Variants in FARS2 observed in about 807,000 individuals in gnomAD.
FARS2 encodes the protein phenylalanyl-tRNA synthetase 2, mitochondrial.
Under a neutral mutation model 46.4 loss-of-function variants are expected in FARS2, and 40 were observed. That is an observed-to-expected ratio of 0.86 (90% CI 0.67 to 1.12). The LOEUF (loss-of-function observed/expected upper bound fraction) is 1.12, where lower values mean the gene tolerates loss of function less well. FARS2 is among the 50% of genes most tolerant of loss of function. The pLI is 0.00. For synonymous variants in FARS2, 234 were observed against 214.9 expected, an observed-to-expected ratio of 1.09 and a Z score of -0.78; for missense variants, 513 against 567.9, an observed-to-expected ratio of 0.90 and a Z score of 0.98.
intron 4 of FARS2, among the ~76,000 whole-genome samples, chr6:5,488,293 T>C (rs1044664891): frequency 2.6e-5 from 4 of 152,336 alleles, no homozygotes; most frequent in African/African-American, 9.6e-5. Context: ...GTTAGTCAGA[T>C]TGTAATTCTG....
At chr6:5,255,291 C>T in the FARS2 span, among the ~76,000 whole-genome samples, 1 of 152,134 alleles carries the variant, frequency 6.6e-6, no homozygotes, top group South Asian at 2.1e-4. Flanking sequence ...AATTACTAGA[C>T]ACTAAGTGAT....
At chr6:5,419,958 C>T (rs1320927560) in intron 3 of FARS2, among the ~76,000 whole-genome samples, 1 of 152,166 alleles carries the variant, frequency 6.6e-6, no homozygotes, top group Non-Finnish European at 1.5e-5. Flanking sequence ...TCCATTTTCA[C>T]ATTGCTGATA....
intron 6 of FARS2, among the ~76,000 whole-genome samples, chr6:5,652,667 A>G (rs985515234): frequency 9.2e-5 from 14 of 152,166 alleles, no homozygotes; most frequent in Non-Finnish European, 1.5e-5. Context: ...GTTGACAGAG[A>G]CCTTTGATGA....
At chr6:5,647,282 T>G (rs1287348394) in intron 6 of FARS2, among the ~76,000 whole-genome samples, 1 of 152,204 alleles carries the variant, frequency 6.6e-6, no homozygotes, top group Non-Finnish European at 1.5e-5. Context: ...TCATCTCTGT[T>G]CCCTTAGTGT....
At position 5,276,359 on chromosome 6, in the gene FARS2, T is replaced by G. The variant is rs971037052; in HGVS notation, c.-22+14699T>G. ...TTTTTTCACATCATTTTAGGTAAAT[T>G]ACTTAACATTTAGATAATCACATAA... On this transcript the variant is annotated intron_variant, in intron 1 of 6. Transcript: ENST00000274680. Among the ~76,000 whole-genome samples the G allele has an allele frequency of 3.3e-5, 5 of 152,180 alleles. No individual in the cohort carries two copies. In the East Asian group the frequency reaches 9.6e-4, roughly 29 times the overall value.
intron 6 of FARS2, among the ~76,000 whole-genome samples, chr6:5,616,930 T>G (rs1462141437): frequency 6.6e-6 from 1 of 151,620 alleles, no homozygotes; most frequent in African/African-American, 2.4e-5. Flanking sequence ...TGAGAGAAAT[T>G]TCTGTTGTGC....
At chr6:5,516,595 T>C (rs2150414447) in intron 4 of FARS2, among the ~76,000 whole-genome samples, 1 of 152,306 alleles carries the variant, frequency 6.6e-6, no homozygotes, top group South Asian at 2.1e-4. Flanking sequence ...ACTTAAACTC[T>C]TCCACCTATT....
chr6:5,597,138 G>A (rs1438196707), intron 5 of FARS2, among the ~76,000 whole-genome samples: 11 of 152,242 alleles, frequency 7.2e-5, no homozygotes, highest in Non-Finnish European at 8.8e-5. Context: ...AAAGCACTCA[G>A]TACCTTCTTC....
At chr6:5,539,003 C>T (rs62387165) in intron 4 of FARS2, among the ~76,000 whole-genome samples, 24,079 of 151,876 alleles carry the variant, frequency 0.16, 2,267 homozygotes, top group Non-Finnish European at 0.2. Context: ...TATGTGCCCG[C>T]GGGAATGACC....
chr6:5,465,324 G>T (rs1765452942), intron 4 of FARS2, among the ~76,000 whole-genome samples: 1 of 152,202 alleles, frequency 6.6e-6, no homozygotes, highest in African/African-American at 2.4e-5. Flanking sequence ...AATTCTGAGA[G>T]CACGGTTAGC....
At chr6:5,588,462 C>T (rs758647058) in intron 5 of FARS2, among the ~76,000 whole-genome samples, 9 of 152,196 alleles carry the variant, frequency 5.9e-5, no homozygotes, top group Non-Finnish European at 1.0e-4. Flanking sequence ...GGCCCATGAG[C>T]TGTTGGTTTT....
rs138021859 is a variant in FARS2, at chr6:5,681,069, C to T, written c.1217+67749C>T. The stretch of plus-strand genomic sequence containing the variant: ...TCTCCAAGTTTGTGTTTTGTCAACA[C>T]GAATCAGCCTGGAAGTGCCCATACC... On this transcript the variant is annotated intron_variant, in intron 6 of 6. Coordinates refer to ENST00000274680, the MANE Select transcript of FARS2 (RefSeq NM_006567.5). Among the ~76,000 whole-genome samples the T allele has an allele frequency of 2.8e-4, 42 of 152,256 alleles. No homozygotes were observed. In the East Asian group the frequency reaches 3.9e-3, roughly 14 times the overall value.
At chr6:5,436,052 A>G (rs1582099074) in intron 4 of FARS2, among the ~76,000 whole-genome samples, 1 of 52,676 alleles carries the variant, frequency 1.9e-5, no homozygotes, top group African/African-American at 4.7e-5. Flanking sequence ...CACAGCATAC[A>G]ATACACAGAC....
At chr6:5,386,801 G>C (rs7760235) in intron 2 of FARS2, among the ~76,000 whole-genome samples, 8,877 of 152,178 alleles carry the variant, frequency 0.058, 748 homozygotes, top group African/African-American at 0.18. Flanking sequence ...GACATGTTTA[G>C]GTTTGGGATT....
intron 4 of FARS2, among the ~76,000 whole-genome samples, chr6:5,473,628 A>G (rs781465465): frequency 6.6e-6 from 1 of 151,882 alleles, no homozygotes; most frequent in Non-Finnish European, 1.5e-5. Flanking sequence ...TTATATTTAC[A>G]TACATTGTTT....
At chr6:5,595,956 C>T (rs746794236) in intron 5 of FARS2, among the ~76,000 whole-genome samples, 1 of 152,178 alleles carries the variant, frequency 6.6e-6, no homozygotes, top group Admixed American at 6.5e-5. Flanking sequence ...GATAAAGTAA[C>T]AGTGCCTGGC....
At chr6:5,441,788 A>G (rs1763856545) in intron 4 of FARS2, among the ~76,000 whole-genome samples, 1 of 152,276 alleles carries the variant, frequency 6.6e-6, no homozygotes, top group South Asian at 2.1e-4. Context: ...GCTAAAAGTC[A>G]GCACTTACGA....
rs61097603 is a variant in FARS2 at position 5,365,317 on chromosome 6, C to CTTTTTTTTTTTTTTTT, written c.-21-3219_-21-3204dup. The stretch of plus-strand genomic sequence containing the variant: ...GACCTTTGATTGAGAAGTATACTTT[C>CTTTTTTTTTTTTTTTT]TTTTTTTTTTTTTTTTTTTTTTTTT... On this transcript the variant is annotated intron_variant, in intron 1 of 6. Transcript: ENST00000274680. Among the ~76,000 whole-genome samples, 12 of 42,492 alleles carry CTTTTTTTTTTTTTTTT rather than the reference C, an allele frequency of 2.8e-4. 4 individuals are homozygous for CTTTTTTTTTTTTTTTT. Among genetic ancestry groups the CTTTTTTTTTTTTTTTT allele is most frequent in the African/African-American group, 1.0e-3 (10 of 9,964 alleles). 27.9% of individuals were successfully genotyped at this position (42,492 alleles called of 152,430 possible). A position where few individuals can be genotyped will look rare whatever the true frequency, so the allele number is the denominator to read the frequency against.
At chr6:5,701,464 G>A (rs1170820189) in intron 6 of FARS2, among the ~76,000 whole-genome samples, 1 of 152,170 alleles carries the variant, frequency 6.6e-6, no homozygotes, top group African/African-American at 2.4e-5. Context: ...GCATTTCCTG[G>A]CGCCTCTGTG....
Sources: allele counts gnomAD v4.1 joint callset (sites outside exome capture counted in the v4.1 genomes callset), GRCh38; gene constraint gnomAD v4.1.1; transcripts MANE v1.5; gene names NCBI Gene and HGNC (gene_info 2026-07-23, HGNC 2026-07-21).